LRBA: variants seen among roughly 807,000 people sequenced by gnomAD.
The protein encoded by LRBA is lipopolysaccharide-responsive and beige-like anchor protein.
LRBA carries 176 observed loss-of-function variants against 330.0 expected under a neutral mutation model. The ratio of observed to expected loss-of-function variants is 0.53; its 90% confidence interval spans 0.47 to 0.60. LRBA has a LOEUF of 0.60. Ranked by LOEUF, LRBA falls within the 20% of genes least tolerant of loss-of-function variation. The pLI is 0.00. For missense variants in LRBA, 3,259 were observed against 3,444.8 expected (o/e 0.95, Z 1.35); for synonymous variants, 1,230 against 1,193.0 (o/e 1.03, Z -0.64).
intron 37 of LRBA, among the ~76,000 whole-genome samples, chr4:150,682,980 T>C (rs1484332420): frequency 6.6e-6 from 1 of 152,064 alleles, no homozygotes; most frequent in Non-Finnish European, 1.5e-5. Context: ...CAACAGCATG[T>C]CCAGTTTGGC....
At chr4:150,491,656 G>A (rs1420953403) in intron 40 of LRBA, among the ~76,000 whole-genome samples, 2 of 152,050 alleles carry the variant, frequency 1.3e-5, no homozygotes, top group Non-Finnish European at 2.9e-5. Context: ...ATCTCCCTAT[G>A]GGGTAGGTGG....
chr4:150,799,076 C>T (rs1578816528), intron 33 of LRBA, among the ~76,000 whole-genome samples: 1 of 152,106 alleles, frequency 6.6e-6, no homozygotes, highest in Non-Finnish European at 1.5e-5. Flanking sequence ...TTCTCCTTCC[C>T]CGTTTAAATA....
At chr4:150,808,560 C>T (rs1160885257) in intron 31 of LRBA, among the ~76,000 whole-genome samples, 162 bp from the exon 32 acceptor site, 2 of 152,106 alleles carry the variant, frequency 1.3e-5, no homozygotes, top group African/African-American at 4.8e-5. Flanking sequence ...CAACTAAATG[C>T]TTTCATATAT....
chr4:150,872,498 C>T (rs1459954553), intron 18 of LRBA, among the ~76,000 whole-genome samples, 165 bp downstream of exon 18: 1 of 152,048 alleles, frequency 6.6e-6, no homozygotes, highest in South Asian at 2.1e-4. Context: ...TAATCCTGTT[C>T]ACTTAATTTT....
chr4:150,269,108 A>AAATT (rs1253505620), intron 56 of LRBA, among the ~76,000 whole-genome samples: 9 of 152,222 alleles, frequency 5.9e-5, no homozygotes, highest in Non-Finnish European at 1.2e-4. Context: ...TCCAAAAGGA[A>AAATT]AATTAAGAAT....
Position 150,935,040 on chromosome 4 carries a change from G to T in LRBA, c.217-5975C>A, listed in dbSNP as rs1734943190. On this transcript the variant is annotated intron_variant, in intron 2 of 56. Transcript: ENST00000651943. ...AAAAAAAAAAAATTAGCCAGGTGTG[G>T]TGGTGCATGTCTGTGGTTCCAGCTA... 2.0e-5 allele frequency among the ~76,000 whole-genome samples: 3 copies of T among 151,378 alleles called. No individual in the cohort carries two copies. The South Asian group carries it at 6.3e-4, about 32-fold the overall frequency.
At chr4:150,906,095 G>A (rs2127155836) in intron 12 of LRBA, 105 bp from the exon 13 acceptor site, 2 of 973,956 alleles carry the variant, frequency 2.1e-6, no homozygotes, top group South Asian at 3.2e-5. Context: ...TATGCTCAAA[G>A]TTAAAGATGC....
At chr4:150,367,736 T>C (rs921972361) in intron 47 of LRBA, among the ~76,000 whole-genome samples, 1 of 152,200 alleles carries the variant, frequency 6.6e-6, no homozygotes, top group Non-Finnish European at 1.5e-5. Context: ...ATGAAGTAAT[T>C]TGCTTATACC....
chr4:150,692,637 A>G (rs1422755483), intron 36 of LRBA, among the ~76,000 whole-genome samples: 1 of 152,236 alleles, frequency 6.6e-6, no homozygotes, highest in African/African-American at 2.4e-5. Flanking sequence ...TCAATGAGGA[A>G]GAGACAGATA....
chr4:151,007,856 CAAAA>C (rs57271520), intron 2 of LRBA, among the ~76,000 whole-genome samples: 5 of 114,400 alleles, frequency 4.4e-5, no homozygotes, highest in Admixed American at 8.9e-5. Context: ...GACTCCATCT[CAAAA>C]AAAAAAAAAA....
At chr4:150,968,937 G>A (rs1007205227) in intron 2 of LRBA, among the ~76,000 whole-genome samples, 7 of 152,122 alleles carry the variant, frequency 4.6e-5, no homozygotes, top group Admixed American at 1.3e-4. Context: ...TCTGAAAATC[G>A]TAAGATCCTT....
intron 33 of LRBA, among the ~76,000 whole-genome samples, chr4:150,803,022 CAAAAAAAAAAA>C (rs746026878): frequency 2.9e-5 from 1 of 34,796 alleles, no homozygotes; most frequent in Non-Finnish European, 5.6e-5. Context: ...ACTCTGTCTC[CAAAAAAAAAAA>C]AAAAAAAAAC....
chr4:150,623,040 T>G (rs1465010453), intron 37 of LRBA, among the ~76,000 whole-genome samples: 1 of 152,114 alleles, frequency 6.6e-6, no homozygotes, highest in Non-Finnish European at 1.5e-5. Flanking sequence ...CCCTTACTTC[T>G]GCTGGGCTGC....
chr4:151,014,922 C>A (rs1745255994), intron 1 of LRBA, 61 bp from the exon 2 acceptor site: 2 of 357,246 alleles, frequency 5.6e-6, no homozygotes, highest in Middle Eastern at 7.7e-4. Flanking sequence ...TTTGAGGGGA[C>A]AAGAGGGAAA....
chr4:150,314,493 A>C (rs1731467538), intron 51 of LRBA, among the ~76,000 whole-genome samples: 1 of 152,176 alleles, frequency 6.6e-6, no homozygotes, highest in Non-Finnish European at 1.5e-5. Context: ...CATTGAAACA[A>C]TGCCTTTTAA....
chr4:151,010,833 G>A (rs894213934), intron 2 of LRBA, among the ~76,000 whole-genome samples: 5 of 148,234 alleles, frequency 3.4e-5, no homozygotes, highest in African/African-American at 1.0e-4. Flanking sequence ...GCAGTGAGCT[G>A]AGATCGCACC....
chr4:150,828,918 T>TG (rs34994399), intron 29 of LRBA, among the ~76,000 whole-genome samples: 3 of 114,492 alleles, frequency 2.6e-5, no homozygotes, highest in South Asian at 5.7e-4. Context: ...TAATCTTTTT[T>TG]GGGGGTGTGT....
intron 34 of LRBA, among the ~76,000 whole-genome samples, chr4:150,788,966 C>T (rs1027848167): frequency 2.8e-5 from 4 of 143,972 alleles, no homozygotes; most frequent in Admixed American, 1.4e-4. Flanking sequence ...CCCAGCTACT[C>T]GGAAGGCTGA....
intron 40 of LRBA, among the ~76,000 whole-genome samples, chr4:150,528,808 C>T (rs1338286187): frequency 6.6e-6 from 1 of 152,004 alleles, no homozygotes; most frequent in Non-Finnish European, 1.5e-5. Context: ...TTAAAACAAA[C>T]ATAAAAGATG....
Sources: gnomAD v4.1 joint callset for allele counts (sites outside exome capture counted in the v4.1 genomes callset) on GRCh38, gnomAD v4.1.1 for gene constraint, MANE v1.5 for transcripts, NCBI Gene and HGNC (gene_info 2026-07-23, HGNC 2026-07-21) for gene names.